Variants in SORCS1 observed in about 807,000 individuals in gnomAD.
The protein encoded by SORCS1 is sortilin related VPS10 domain containing receptor 1.
A neutral mutation model predicts 146.1 loss-of-function variants in SORCS1; 60 were observed. The observed-to-expected ratio is 0.41, with a 90% confidence interval of 0.33 to 0.51. The LOEUF is 0.51. Among genes scored for constraint, SORCS1 ranks in the 20% least tolerant of loss-of-function variants. The pLI is 0.21. For synonymous variants in SORCS1, 637 were observed against 584.0 expected, an observed-to-expected ratio of 1.09 and a Z score of -1.31; for missense variants, 1,352 against 1,487.6, an observed-to-expected ratio of 0.91 and a Z score of 1.50.
intron 1 of SORCS1, among the ~76,000 whole-genome samples, chr10:106,972,442 A>G (rs1955826981): frequency 6.6e-6 from 1 of 151,192 alleles, no homozygotes; most frequent in Non-Finnish European, 1.5e-5. Context: ...AATTGACTTT[A>G]TTTTTGATTT....
chr10:106,988,104 T>C (rs1001234823), intron 1 of SORCS1, among the ~76,000 whole-genome samples: 3 of 152,196 alleles, frequency 2.0e-5, no homozygotes, highest in Admixed American at 2.0e-4. Flanking sequence ...GACTTTTCTG[T>C]ATTGTGACCA....
At chr10:107,153,138 T>C (rs1968967186) in intron 1 of SORCS1, among the ~76,000 whole-genome samples, 1 of 151,682 alleles carries the variant, frequency 6.6e-6, no homozygotes, top group African/African-American at 2.4e-5. Flanking sequence ...CTGTCTTCCA[T>C]ATATCTGTTA....
At chr10:106,736,592 TAACCCTGGTTAAAAAAAAAAAAAAAAA>T (rs1856961308) in intron 5 of SORCS1, among the ~76,000 whole-genome samples, 1 of 858 alleles carries the variant, frequency 1.2e-3, no homozygotes, top group East Asian at 0.083. Flanking sequence ...ATCATCAAGA[TAACCCTGGTTAAAAAAAAAAAAAAAAA>T]AAGATAACCC....
intron 2 of SORCS1, among the ~76,000 whole-genome samples, chr10:106,862,383 T>G (rs1003942875): frequency 2.0e-5 from 3 of 152,212 alleles, no homozygotes; most frequent in South Asian, 2.1e-4. Context: ...TTACAATGTC[T>G]TTTAATATCA....
intron 9 of SORCS1, among the ~76,000 whole-genome samples, chr10:106,693,094 G>T (rs111430975): frequency 2.0e-5 from 3 of 152,102 alleles, no homozygotes; most frequent in African/African-American, 7.2e-5. Context: ...GTACACTTGG[G>T]TCCCAGTTCC....
At chr10:106,926,602 C>T (rs558561213) in intron 2 of SORCS1, among the ~76,000 whole-genome samples, 3 of 152,206 alleles carry the variant, frequency 2.0e-5, no homozygotes, top group African/African-American at 7.2e-5. Flanking sequence ...ATGTAGTCAA[C>T]ATTTGAAAAT....
intron 2 of SORCS1, among the ~76,000 whole-genome samples, chr10:106,950,380 A>C (rs1403762604): frequency 6.6e-6 from 1 of 152,096 alleles, no homozygotes; most frequent in East Asian, 1.9e-4. Context: ...CTACCCTACC[A>C]CCTCAAGGGC....
chr10:107,028,463 GA>G (rs1958501827), intron 1 of SORCS1, among the ~76,000 whole-genome samples: 1 of 152,182 alleles, frequency 6.6e-6, no homozygotes, highest in Admixed American at 6.5e-5. Flanking sequence ...TGGTAATCTA[GA>G]CCACATGCAA....
chr10:106,726,185 CTTTTTTT>C (rs1169402270), intron 6 of SORCS1, among the ~76,000 whole-genome samples: 2 of 66,300 alleles, frequency 3.0e-5, no homozygotes, highest in Non-Finnish European at 5.7e-5. Context: ...CTTTCCCTCT[CTTTTTTT>C]TTTTTTTTTT....
At chr10:107,153,074 C>G (rs1968960476) in intron 1 of SORCS1, among the ~76,000 whole-genome samples, 1 of 151,764 alleles carries the variant, frequency 6.6e-6, no homozygotes, top group Non-Finnish European at 1.5e-5. Flanking sequence ...CCCTCCTTCC[C>G]TCTCCCTCCT....
intron 2 of SORCS1, among the ~76,000 whole-genome samples, chr10:106,870,767 C>T (rs1463866287): frequency 6.6e-6 from 1 of 152,136 alleles, no homozygotes; most frequent in Non-Finnish European, 1.5e-5. Context: ...CCATCCTAGA[C>T]ATAGGAACAG....
chr10:106,788,805 G>C (rs527552295), intron 3 of SORCS1, among the ~76,000 whole-genome samples: 22 of 152,286 alleles, frequency 1.4e-4, no homozygotes, highest in African/African-American at 4.8e-4. Flanking sequence ...TACCACTTTG[G>C]GGTCTGGAGG....
At chr10:106,850,775 C>T (rs1248119421) in intron 2 of SORCS1, among the ~76,000 whole-genome samples, 2 of 152,178 alleles carry the variant, frequency 1.3e-5, no homozygotes, top group Non-Finnish European at 2.9e-5. Flanking sequence ...CATTTGGATG[C>T]CTCATGGGAA....
intron 1 of SORCS1, among the ~76,000 whole-genome samples, chr10:107,159,844 GA>G (rs112408335): frequency 0.028 from 3,957 of 143,028 alleles, 129 homozygotes; most frequent in African/African-American, 0.076. Flanking sequence ...CCTCCCCACC[GA>G]AAAAAAAAAA....
chr10:106,918,946 C>A lies in SORCS1; in HGVS notation c.626+37567G>T, dbSNP rs1326173655. ...TGACCTCCTGGGAGCAAGCAATCCT[C>A]CTGCCTCAGCCTCCCATGTAGCTGG... On this transcript the variant is annotated intron_variant, in intron 2 of 25. Transcript: ENST00000263054. 3.3e-5 allele frequency among the ~76,000 whole-genome samples: 5 copies of A among 152,252 alleles called. No individual in the cohort carries two copies. In the East Asian group the frequency reaches 9.7e-4, roughly 29 times the overall value.
chr10:106,910,404 G>C (rs1057019054), intron 2 of SORCS1, among the ~76,000 whole-genome samples: 7 of 151,872 alleles, frequency 4.6e-5, no homozygotes, highest in African/African-American at 1.7e-4. Context: ...TCATATTATG[G>C]GGTTGCATGA....
intron 2 of SORCS1, among the ~76,000 whole-genome samples, chr10:106,895,939 ATG>A (rs879502174): frequency 8.8e-5 from 10 of 113,220 alleles, no homozygotes; most frequent in South Asian, 5.5e-4. Flanking sequence ...ACATATATAT[ATG>A]TGTGTGTGTG....
At chr10:106,588,946 A>G (rs1217113349) in intron 24 of SORCS1, among the ~76,000 whole-genome samples, 1 of 151,938 alleles carries the variant, frequency 6.6e-6, no homozygotes, top group Non-Finnish European at 1.5e-5. Context: ...TGAGGCTTAG[A>G]AAATCTCTAT....
At chr10:106,583,292 T>C (rs1211791629) in intron 24 of SORCS1, among the ~76,000 whole-genome samples, 2 of 152,216 alleles carry the variant, frequency 1.3e-5, no homozygotes, top group African/African-American at 4.8e-5. Context: ...TTTGGGGCAA[T>C]GATACATACA....
Sources: allele counts gnomAD v4.1 joint callset (sites outside exome capture counted in the v4.1 genomes callset), GRCh38; gene constraint gnomAD v4.1.1; transcripts MANE v1.5; gene names NCBI Gene and HGNC (gene_info 2026-07-23, HGNC 2026-07-21).